Variants in MARCHF3 observed in about 807,000 individuals in gnomAD.
MARCHF3 encodes E3 ubiquitin-protein ligase MARCHF3.
A neutral mutation model predicts 24.2 loss-of-function variants in MARCHF3; 13 were observed. The ratio of observed to expected loss-of-function variants is 0.54; its 90% CI spans 0.35 to 0.85. MARCHF3 has a LOEUF of 0.85. Among genes scored for constraint, MARCHF3 ranks in the 40% least tolerant of loss-of-function variants. MARCHF3 has a pLI of 0.01. For synonymous variants in MARCHF3, 144 were observed against 137.3 expected (o/e 1.05, Z -0.34); for missense variants, 276 against 325.0 (o/e 0.85, Z 1.16).
At chr5:126,969,972 T>C (rs996605149) in intron 1 of MARCHF3, among the ~76,000 whole-genome samples, 4 of 152,224 alleles carry the variant, frequency 2.6e-5, no homozygotes, top group Non-Finnish European at 5.9e-5. Context: ...ATGATAATAA[T>C]CTACTGAGAA....
intron 1 of MARCHF3, among the ~76,000 whole-genome samples, chr5:126,959,727 G>C (rs1310160208): frequency 4.6e-5 from 7 of 152,086 alleles, no homozygotes; most frequent in African/African-American, 1.7e-4. Flanking sequence ...CTAAAAAAGA[G>C]TTTATTTAGA....
At chr5:126,917,241 A>G (rs1262692871) in intron 2 of MARCHF3, among the ~76,000 whole-genome samples, 1 of 152,206 alleles carries the variant, frequency 6.6e-6, no homozygotes, top group Non-Finnish European at 1.5e-5. Context: ...AAAAAGCTGG[A>G]GAAGCCAAGG....
chr5:126,991,018 T>C (rs1322200673), intron 1 of MARCHF3, among the ~76,000 whole-genome samples: 1 of 152,172 alleles, frequency 6.6e-6, no homozygotes, highest in Non-Finnish European at 1.5e-5. Flanking sequence ...GAACTAGAAA[T>C]AGCATTCGAC....
chr5:126,953,716 T>C (rs1017582839), intron 1 of MARCHF3, among the ~76,000 whole-genome samples: 1 of 152,124 alleles, frequency 6.6e-6, no homozygotes. Flanking sequence ...TCATAAGGAG[T>C]TGCCTTTTAA....
chr5:126,984,613 A>T (rs1348392181), intron 1 of MARCHF3, among the ~76,000 whole-genome samples: 1 of 152,180 alleles, frequency 6.6e-6, no homozygotes, highest in Non-Finnish European at 1.5e-5. Flanking sequence ...CTCTTCTAGG[A>T]TACAAGAAAA....
chr5:126,948,560 C>T (rs2126814088), intron 1 of MARCHF3, among the ~76,000 whole-genome samples: 1 of 152,306 alleles, frequency 6.6e-6, no homozygotes, highest in Admixed American at 6.5e-5. Context: ...GAACCAAAAG[C>T]TGAAAGCAGC....
intron 3 of MARCHF3, among the ~76,000 whole-genome samples, chr5:126,909,206 A>T (rs1340932838): frequency 5.3e-5 from 8 of 152,196 alleles, no homozygotes; most frequent in Non-Finnish European, 1.0e-4. Flanking sequence ...TGCTGGGAGA[A>T]CCACTGCTCT....
intron 1 of MARCHF3, among the ~76,000 whole-genome samples, chr5:126,926,795 T>G (rs1176425383): frequency 6.7e-6 from 1 of 149,030 alleles, no homozygotes; most frequent in Non-Finnish European, 1.5e-5. Flanking sequence ...GGACCTGAGG[T>G]AGGTGTGGGC....
intron 1 of MARCHF3, among the ~76,000 whole-genome samples, chr5:126,920,538 G>A (rs1030221533): frequency 6.6e-6 from 1 of 152,162 alleles, no homozygotes; most frequent in African/African-American, 2.4e-5. Context: ...TGCACTCTGA[G>A]AGTCTATTTT....
chr5:126,885,044 T>C (rs578175700), intron 3 of MARCHF3, among the ~76,000 whole-genome samples: 1 of 152,328 alleles, frequency 6.6e-6, no homozygotes, highest in African/African-American at 2.4e-5. Flanking sequence ...CTTCTCATTA[T>C]TTAGGTCTCA....
chr5:126,879,781 G>A (rs1753286610), intron 3 of MARCHF3, among the ~76,000 whole-genome samples: 1 of 152,178 alleles, frequency 6.6e-6, no homozygotes, highest in African/African-American at 2.4e-5. Flanking sequence ...AGAGGCCAAG[G>A]AGTCCAGAGA....
At chr5:126,919,872 G>A (rs114151479) in intron 1 of MARCHF3, among the ~76,000 whole-genome samples, 194 of 152,300 alleles carry the variant, frequency 1.3e-3, no homozygotes, top group African/African-American at 4.5e-3. Context: ...AACCCACAGT[G>A]GGGAGACGGC....
At chr5:126,914,499 G>C (rs1754648906) in intron 3 of MARCHF3, among the ~76,000 whole-genome samples, 1 of 151,940 alleles carries the variant, frequency 6.6e-6, no homozygotes, top group African/African-American at 2.4e-5. Flanking sequence ...TTAAACTATG[G>C]AGCTATACTT....
chr5:126,911,092 T>C (rs990861714), intron 3 of MARCHF3, among the ~76,000 whole-genome samples: 4 of 152,196 alleles, frequency 2.6e-5, no homozygotes, highest in Admixed American at 1.3e-4. Flanking sequence ...GTCAGACCAG[T>C]TGTCTAATCT....
intron 1 of MARCHF3, among the ~76,000 whole-genome samples, chr5:126,957,313 ACATT>A (rs1312836531): frequency 1.3e-5 from 2 of 152,182 alleles, no homozygotes; most frequent in Non-Finnish European, 2.9e-5. Context: ...AACTTTAAAA[ACATT>A]CAGTTATTTG....
At chr5:126,902,972 C>T (rs766360397) in intron 3 of MARCHF3, among the ~76,000 whole-genome samples, 1 of 152,028 alleles carries the variant, frequency 6.6e-6, no homozygotes, top group South Asian at 2.1e-4. Context: ...CATACTCAGG[C>T]ACAAGATGTT....
At chr5:126,874,776 A>G (rs916359119) in intron 4 of MARCHF3, among the ~76,000 whole-genome samples, 2 of 152,106 alleles carry the variant, frequency 1.3e-5, no homozygotes, top group African/African-American at 4.8e-5. Context: ...GGAGTATAGG[A>G]GTGAATTGGT....
chr5:127,001,071 C>A (rs537359112), intron 1 of MARCHF3, among the ~76,000 whole-genome samples: 1 of 151,750 alleles, frequency 6.6e-6, no homozygotes, highest in East Asian at 2.0e-4. Flanking sequence ...AACTCCATCT[C>A]TATTAAAAAT....
At chr5:126,928,765 A>AT (rs1389225635) in intron 1 of MARCHF3, among the ~76,000 whole-genome samples, 1 of 152,198 alleles carries the variant, frequency 6.6e-6, no homozygotes, top group African/African-American at 2.4e-5. Context: ...GAATGTATAT[A>AT]TGCCAATCTA....
Sources: allele counts gnomAD v4.1 joint callset (sites outside exome capture counted in the v4.1 genomes callset), GRCh38; gene constraint gnomAD v4.1.1; transcripts MANE v1.5; gene names NCBI Gene and HGNC (gene_info 2026-07-23, HGNC 2026-07-21).